Variants in GPC5 observed in about 807,000 individuals in gnomAD.
GPC5 encodes glypican 5.
In GPC5, 47 loss-of-function variants were observed where a neutral mutation model predicts 53.9. The observed-to-expected ratio is 0.87, with a 90% confidence interval of 0.69 to 1.11. GPC5 has a LOEUF of 1.11. Ranked by LOEUF, GPC5 falls within the 50% of genes most tolerant of loss-of-function variation. The pLI is 0.00. For missense variants in GPC5, 748 were observed against 713.1 expected (o/e 1.05, Z -0.56); for synonymous variants, 286 against 263.3 (o/e 1.09, Z -0.84).
intron 6 of GPC5, among the ~76,000 whole-genome samples, chr13:92,100,744 A>G (rs1289696125): frequency 6.6e-6 from 1 of 152,206 alleles, no homozygotes; most frequent in Non-Finnish European, 1.5e-5. Flanking sequence ...GGGAGACTAA[A>G]GATGCCAAGA....
At chr13:91,531,979 T>C (rs1202314928) in intron 2 of GPC5, among the ~76,000 whole-genome samples, 5 of 152,196 alleles carry the variant, frequency 3.3e-5, no homozygotes, top group Non-Finnish European at 5.9e-5. Context: ...AAAACGTTTT[T>C]CTGGGGATCC....
intron 3 of GPC5, among the ~76,000 whole-genome samples, chr13:91,728,048 A>G (rs2036612465): frequency 6.6e-6 from 1 of 152,186 alleles, no homozygotes; most frequent in African/African-American, 2.4e-5. Context: ...TCTTCATATT[A>G]AAAATATTAA....
chr13:92,088,237 A>T (rs572739041), intron 6 of GPC5, among the ~76,000 whole-genome samples: 1 of 152,164 alleles, frequency 6.6e-6, no homozygotes, highest in East Asian at 1.9e-4. Flanking sequence ...CACTCCTTTC[A>T]CTCAAAGTAC....
At chr13:92,509,128 T>C (rs1248987168) in intron 7 of GPC5, among the ~76,000 whole-genome samples, 1 of 152,186 alleles carries the variant, frequency 6.6e-6, no homozygotes, top group Non-Finnish European at 1.5e-5. Flanking sequence ...AATAGTTTGA[T>C]GTGAAGAATT....
chr13:91,503,006 C>T (rs1884730702), intron 2 of GPC5, among the ~76,000 whole-genome samples: 2 of 152,086 alleles, frequency 1.3e-5, no homozygotes, highest in East Asian at 1.9e-4. Flanking sequence ...ATCAATTACA[C>T]TTCAAGCCAA....
chr13:91,420,199 A>G (rs1485531313), intron 1 of GPC5, among the ~76,000 whole-genome samples: 1 of 134,910 alleles, frequency 7.4e-6, no homozygotes, highest in Non-Finnish European at 1.5e-5. Flanking sequence ...ATCTCAGCCT[A>G]GTGAGCTTTG....
At chr13:92,194,150 A>G (rs2042242021) in intron 7 of GPC5, among the ~76,000 whole-genome samples, 1 of 152,198 alleles carries the variant, frequency 6.6e-6, no homozygotes, top group South Asian at 2.1e-4. Context: ...TTACTCTCAT[A>G]ACAACCTTAT....
At chr13:91,928,460 T>A (rs1196598447) in intron 6 of GPC5, among the ~76,000 whole-genome samples, 1 of 152,128 alleles carries the variant, frequency 6.6e-6, no homozygotes, top group Non-Finnish European at 1.5e-5. Flanking sequence ...GATGTTTCAG[T>A]ATAGGAGGCC....
At chr13:92,249,500 AAGC>A (rs1212512110) in intron 7 of GPC5, among the ~76,000 whole-genome samples, 1 of 152,012 alleles carries the variant, frequency 6.6e-6, no homozygotes, top group African/African-American at 2.4e-5. Flanking sequence ...TGGTCCAGAT[AAGC>A]AGAAGTCAGA....
chr13:92,008,411 C>T (rs1010051439), intron 6 of GPC5, among the ~76,000 whole-genome samples: 1 of 151,864 alleles, frequency 6.6e-6, no homozygotes, highest in African/African-American at 2.4e-5. Flanking sequence ...ATTTTTCATT[C>T]CTTTGTGAAA....
intron 2 of GPC5, among the ~76,000 whole-genome samples, chr13:91,473,352 A>G (rs2139187321): frequency 6.6e-6 from 1 of 152,300 alleles, no homozygotes; most frequent in South Asian, 2.1e-4. Context: ...GAATAATTAC[A>G]GTAGACAGGA....
intron 7 of GPC5, among the ~76,000 whole-genome samples, chr13:92,367,524 G>A (rs1397999737): frequency 6.6e-6 from 1 of 152,168 alleles, no homozygotes; most frequent in Non-Finnish European, 1.5e-5. Context: ...TATTAGTGAT[G>A]TAAGGGTGAG....
At chr13:91,761,099 ATTGT>A (rs879674965) in intron 5 of GPC5, among the ~76,000 whole-genome samples, 8 of 152,030 alleles carry the variant, frequency 5.3e-5, no homozygotes, top group African/African-American at 1.2e-4. Flanking sequence ...TTGCAAATTG[ATTGT>A]TTGATGATTC....
At chr13:92,274,984 A>G (rs996187085) in intron 7 of GPC5, among the ~76,000 whole-genome samples, 1 of 152,130 alleles carries the variant, frequency 6.6e-6, no homozygotes, top group Non-Finnish European at 1.5e-5. Flanking sequence ...TCATTAATGA[A>G]TATATGATTT....
chr13:92,031,719 ATGTAATATATTACATATT>A (rs2138807481), intron 6 of GPC5, among the ~76,000 whole-genome samples: 1 of 86,674 alleles, frequency 1.2e-5, no homozygotes, highest in South Asian at 2.7e-4. Flanking sequence ...TATTACATAT[ATGTAATATATTACATATT>A]ATATATAATA....
chr13:91,495,330 A>G (rs1365741150), intron 2 of GPC5, among the ~76,000 whole-genome samples: 2 of 152,178 alleles, frequency 1.3e-5, no homozygotes, highest in Non-Finnish European at 2.9e-5. Flanking sequence ...TTGCCTCTGC[A>G]GTCTATTCTT....
At chr13:91,770,536 A>G (rs1158303775) in intron 5 of GPC5, among the ~76,000 whole-genome samples, 4 of 152,162 alleles carry the variant, frequency 2.6e-5, no homozygotes, top group Non-Finnish European at 5.9e-5. Context: ...GAAACTCCAG[A>G]GGATTTAGGA....
intron 5 of GPC5, among the ~76,000 whole-genome samples, chr13:91,841,107 G>A (rs1313136206): frequency 6.6e-6 from 1 of 151,802 alleles, no homozygotes; most frequent in Admixed American, 6.6e-5. Context: ...TACATAGAGA[G>A]CAATTTATAT....
chr13:91,712,346 G>A (rs2036244391), intron 3 of GPC5, among the ~76,000 whole-genome samples: 1 of 151,508 alleles, frequency 6.6e-6, no homozygotes, highest in South Asian at 2.1e-4. Flanking sequence ...ATATGTGTGT[G>A]TGTGTATTTA....
Sources: allele counts gnomAD v4.1 joint callset (sites outside exome capture counted in the v4.1 genomes callset), GRCh38; gene constraint gnomAD v4.1.1; transcripts MANE v1.5; gene names NCBI Gene and HGNC (gene_info 2026-07-23, HGNC 2026-07-21).